The following BRAP variants were observed in gnomAD, a reference collection of about 807,000 sequenced individuals.
The protein encoded by BRAP is BRCA1 associated protein.
Under a neutral mutation model 73.4 loss-of-function variants are expected in BRAP, and 42 were observed. The observed-to-expected ratio is 0.57, with a 90% CI of 0.45 to 0.74. BRAP has a LOEUF of 0.74. Among genes scored for constraint, BRAP ranks in the 30% least tolerant of loss-of-function variants. The probability of loss-of-function intolerance (pLI) is 0.00; values close to 1 mark genes in which losing one functional copy is unlikely to be tolerated. For missense variants in BRAP, 593 were observed against 751.4 expected (o/e 0.79, Z 2.46); for synonymous variants, 255 against 267.4 (o/e 0.95, Z 0.45).
intron 3 of BRAP, 66 bp downstream of exon 3, chr12:111,681,571 G>T: frequency 7.5e-7 from 1 of 1,339,014 alleles, no homozygotes; most frequent in Non-Finnish European, 1.0e-6. Context: ...AAGAGACTAT[G>T]CTAAAGCAAA....
At chr12:111,644,669 G>T in intron 11 of BRAP, 107 bp from the exon 12 acceptor site, 1 of 1,473,614 alleles carries the variant, frequency 6.8e-7, no homozygotes, top group Non-Finnish European at 9.1e-7. Context: ...ATCCCTTTAG[G>T]ACAGACCCCT....
In BRAP at chr12:111,644,193, T is replaced by TGAA; in HGVS notation, c.*3_*5dup. 6.2e-7 allele frequency: 1 copy of TGAA among 1,606,790 alleles called. No homozygotes were observed. Among genetic ancestry groups the TGAA allele is most frequent in the Non-Finnish European group, 8.5e-7 (1 of 1,178,746 alleles). On this transcript the variant is annotated 3_prime_UTR_variant, in exon 12 of 12. Transcript: ENST00000419234. ...ACAGTCTCAGGGATGTCTGTTGCTC[T>TGAA]GAAGGTCACTTGCCCCTCTTGCTGC...
At chr12:111,650,289 A>G (rs1378599519) in intron 10 of BRAP, among the ~76,000 whole-genome samples, 1 of 152,052 alleles carries the variant, frequency 6.6e-6, no homozygotes, top group Non-Finnish European at 1.5e-5. Flanking sequence ...TTTTTGAGCC[A>G]GAGTCTCGCT....
At chr12:111,659,796 C>T (rs1886674864) in intron 7 of BRAP, among the ~76,000 whole-genome samples, 1 of 152,210 alleles carries the variant, frequency 6.6e-6, no homozygotes, top group East Asian at 1.9e-4. Context: ...GCAGGAGTAT[C>T]GCTTGAGCCT....
chr12:111,680,454 T>C (rs956115615), intron 3 of BRAP, among the ~76,000 whole-genome samples: 1 of 150,972 alleles, frequency 6.6e-6, no homozygotes, highest in Admixed American at 6.6e-5. Flanking sequence ...CCCAACACTT[T>C]GGGAGGCTGA....
chr12:111,675,753 T>C lies in BRAP; in HGVS notation c.634-2979A>G, dbSNP rs114017290. Among the ~76,000 whole-genome samples, 440 of 152,184 alleles carry C rather than the reference T, an allele frequency of 2.9e-3. 1 individual carries two copies. The highest frequency in any genetic ancestry group is 9.8e-3 in the African/African-American group (409 of 41,530). On this transcript the variant is annotated intron_variant, in intron 4 of 11. Transcript: ENST00000419234. ...TTAACTCAGAAAAAGACAAATCCATTATGATCAAGTTCCTTCGCTGTCACA... is the reference window on the plus strand; with the variant it reads ...TTAACTCAGAAAAAGACAAATCCATCATGATCAAGTTCCTTCGCTGTCACA...
intron 11 of BRAP, among the ~76,000 whole-genome samples, chr12:111,648,874 C>T (rs921440570): frequency 2.0e-5 from 3 of 149,578 alleles, no homozygotes; most frequent in East Asian, 4.0e-4. Context: ...TGCAGTGAGC[C>T]GAGATCGCGC....
chr12:111,668,660 T>A (rs77495241), intron 5 of BRAP, among the ~76,000 whole-genome samples: 4 of 151,048 alleles, frequency 2.6e-5, no homozygotes, highest in Non-Finnish European at 5.9e-5. Flanking sequence ...TTTTTTTTTT[T>A]AATTTGTTTT....
chr12:111,660,485 AAAATAAAAAATAAAAAAT>A (rs1203462466), intron 7 of BRAP, 97 bp downstream of exon 7: 8 of 895,760 alleles, frequency 8.9e-6, no homozygotes, highest in Non-Finnish European at 1.2e-5. Flanking sequence ...CCTGTCTCTT[AAAATAAAAAATAAAAAAT>A]AAATTAAAAA....
At position 111,642,591 on chromosome 12, in the gene BRAP, CA is replaced by C. The variant is rs1340103138; in HGVS notation, c.*1607del. ...CTTCTGCAAGGTCAGACATGCAAGA[CA>C]AGTACTTGGCCAAAACAGCAGGATT... is the stretch of plus-strand genomic sequence containing the variant. On this transcript the variant is annotated 3_prime_UTR_variant, in exon 12 of 12. Coordinates refer to ENST00000419234, the MANE Select transcript of BRAP (RefSeq NM_006768.5). 1 of 152,074 alleles carries C rather than the reference CA, an allele frequency of 6.6e-6. No individual in the cohort carries two copies. The highest frequency in any genetic ancestry group is 1.5e-5 in the Non-Finnish European group (1 of 68,010). 9.4% of individuals were successfully genotyped at this position (152,074 alleles called of 1,614,324 possible).
chr12:111,685,735 C>T lies in BRAP; in HGVS notation c.58G>A (p.Ala20Thr). 2.5e-6 allele frequency: 4 copies of T among 1,608,928 alleles called. No individual in the cohort carries two copies. Among genetic ancestry groups the T allele is most frequent in the Non-Finnish European group, 3.4e-6 (4 of 1,178,554 alleles). The change falls in exon 1 of 12, where the codon GCC (alanine) becomes ACC (threonine). Residue 20 changes from alanine (A) to threonine (T), a missense_variant. Transcript: ENST00000419234. The part of the protein sequence containing the change: ...LELAEHSPVP[A>T]GFGFSAAAGE... ...CCCGCGGCGCTGAAGCCGAAGCCGG[C>T]GGGGACAGGCGAGTGTTCCGCGAGC...
rs530994087 is a variant in BRAP, at chr12:111,672,933, T to C, written c.634-159A>G. ...AAAAGTCACATCTACTGAAGCTGAT[T>C]GGTAGGCTAATCACACTCTGTAAGT... On this transcript the variant is annotated intron_variant, in intron 4 of 11. Coordinates refer to ENST00000419234, the MANE Select transcript of BRAP (RefSeq NM_006768.5). 666 of 591,954 alleles carry C rather than the reference T, an allele frequency of 1.1e-3. 5 individuals carry two copies. Among genetic ancestry groups the C allele is most frequent in the Middle Eastern group, 8.3e-3 (21 of 2,540 alleles). The allele number at this position is 591,954 out of a possible 1,614,324, so 36.7% of individuals were successfully genotyped here.
chr12:111,659,875 A>G (rs1886679233), intron 7 of BRAP, among the ~76,000 whole-genome samples: 1 of 151,960 alleles, frequency 6.6e-6, no homozygotes, highest in Admixed American at 6.6e-5. Flanking sequence ...TTTGTAGAAA[A>G]AACAAAAACA....
At chr12:111,649,838 C>G in intron 11 of BRAP, 101 bp downstream of exon 11, 1 of 811,514 alleles carries the variant, frequency 1.2e-6, no homozygotes, top group Non-Finnish European at 1.9e-6. Context: ...TCCTGAAAAC[C>G]TGGTGATACA....
At chr12:111,661,711 A>AT (rs1479542553) in intron 6 of BRAP, among the ~76,000 whole-genome samples, 1 of 146,866 alleles carries the variant, frequency 6.8e-6, no homozygotes, top group Non-Finnish European at 1.5e-5. Context: ...TAAAAAAAAA[A>AT]GGTTTTTTTT....
rs538181336 is a variant in BRAP, at chr12:111,684,116, G to A, written c.83-809C>T. On this transcript the variant is annotated intron_variant, in intron 1 of 11. Coordinates refer to ENST00000419234, the MANE Select transcript of BRAP (RefSeq NM_006768.5). Reference sequence around the variant, plus strand: ...AATGAAACACATGAAAAGGGAAACGGAATTTGGAGACTTAACTGAAATATC... The same window carrying A: ...AATGAAACACATGAAAAGGGAAACGAAATTTGGAGACTTAACTGAAATATC... 5.3e-5 allele frequency among the ~76,000 whole-genome samples: 8 copies of A among 152,282 alleles called. No homozygotes were observed. The South Asian group carries it at 6.2e-4, about 12-fold the overall frequency.
intron 10 of BRAP, among the ~76,000 whole-genome samples, chr12:111,650,946 C>T (rs1184882766): frequency 6.6e-6 from 1 of 152,032 alleles, no homozygotes; most frequent in Non-Finnish European, 1.5e-5. Flanking sequence ...GGCAGCCATC[C>T]CAGCCCAGAG....
In BRAP at chr12:111,651,112, C is replaced by T. The variant is rs570965895; in HGVS notation, c.1312-1070G>A. Among the ~76,000 whole-genome samples, 110 of 152,230 alleles carry T rather than the reference C, an allele frequency of 7.2e-4. 2 individuals are homozygous for T. The Middle Eastern group carries it at 0.01, about 14-fold the overall frequency. ...CTGGGTGAACCACAAGGCAATATAA[C>T]AGGAACTGAAAGTGGCTGAGAATTT... On this transcript the variant is annotated intron_variant, in intron 10 of 11. Coordinates refer to ENST00000419234, the MANE Select transcript of BRAP (RefSeq NM_006768.5).
chr12:111,675,771 C>G (rs150872370), intron 4 of BRAP, among the ~76,000 whole-genome samples: 7 of 152,046 alleles, frequency 4.6e-5, no homozygotes, highest in African/African-American at 1.7e-4. Context: ...AGTTCCTTCG[C>G]TGTCACAGGA....
Sources: allele counts gnomAD v4.1 joint callset (sites outside exome capture counted in the v4.1 genomes callset), GRCh38; gene constraint gnomAD v4.1.1; transcripts MANE v1.5; gene names NCBI Gene and HGNC (gene_info 2026-07-23, HGNC 2026-07-21).